Variants in FBXL17 observed in about 807,000 individuals in gnomAD.
The protein encoded by FBXL17 is F-box and leucine rich repeat protein 17.
A neutral mutation model predicts 66.2 loss-of-function variants in FBXL17; 22 were observed. The observed-to-expected ratio is 0.33, with a 90% CI of 0.24 to 0.47. FBXL17 has a LOEUF of 0.47. FBXL17 is among the 20% of genes least tolerant of loss of function. FBXL17 has a pLI of 1.00. For missense variants in FBXL17, 878 were observed against 948.2 expected (o/e 0.93, Z 0.97); for synonymous variants, 474 against 400.5 (o/e 1.18, Z -2.19).
intron 1 of FBXL17, among the ~76,000 whole-genome samples, chr5:108,374,697 G>A (rs1013386144): frequency 2.0e-5 from 3 of 151,892 alleles, no homozygotes; most frequent in Non-Finnish European, 4.4e-5. Flanking sequence ...GAAAAGAGAA[G>A]AGGAGAAGGG....
chr5:108,288,389 G>C (rs908051310), intron 4 of FBXL17, among the ~76,000 whole-genome samples: 1 of 150,922 alleles, frequency 6.6e-6, no homozygotes, highest in Non-Finnish European at 1.5e-5. Flanking sequence ...GGGACCAACA[G>C]ACTGGCCCGA....
chr5:108,023,464 A>C (rs1321926717), intron 6 of FBXL17, among the ~76,000 whole-genome samples: 1 of 152,146 alleles, frequency 6.6e-6, no homozygotes, highest in Admixed American at 6.6e-5. Flanking sequence ...AAATTGGTGG[A>C]AATGGAACAC....
At chr5:107,941,539 A>G (rs1288063619) in intron 7 of FBXL17, among the ~76,000 whole-genome samples, 1 of 152,196 alleles carries the variant, frequency 6.6e-6, no homozygotes, top group Non-Finnish European at 1.5e-5. Flanking sequence ...GTATTTTTAT[A>G]GACACCTTAG....
rs188973035 is a variant in FBXL17 at position 108,240,919 on chromosome 5, G to A, written c.1507-16691C>T. Reference sequence around the variant, plus strand: ...CCATTTGTTTGGGAGAAAGTTAAGAGTCTCTGCCTGATAATTCACAGAATT... The same window carrying A: ...CCATTTGTTTGGGAGAAAGTTAAGAATCTCTGCCTGATAATTCACAGAATT... On this transcript the variant is annotated intron_variant, in intron 4 of 8. Transcript: ENST00000542267. Among the ~76,000 whole-genome samples the A allele has an allele frequency of 5.3e-5, 8 of 152,248 alleles. No individual in the cohort carries two copies. In the East Asian group the frequency reaches 1.5e-3, roughly 29 times the overall value.
chr5:108,234,823 A>C (rs192458149), intron 4 of FBXL17, among the ~76,000 whole-genome samples: 13 of 152,360 alleles, frequency 8.5e-5, no homozygotes, highest in Non-Finnish European at 1.6e-4. Context: ...AAACCATAAA[A>C]GTAGTAACTG....
intron 7 of FBXL17, among the ~76,000 whole-genome samples, chr5:107,898,947 A>C (rs1749476796): frequency 6.6e-6 from 1 of 152,160 alleles, no homozygotes; most frequent in Non-Finnish European, 1.5e-5. Context: ...TGTCTTTATA[A>C]TAGAATGATT....
At chr5:108,028,982 G>T (rs1196824080) in intron 6 of FBXL17, among the ~76,000 whole-genome samples, 1 of 152,092 alleles carries the variant, frequency 6.6e-6, no homozygotes, top group Non-Finnish European at 1.5e-5. Flanking sequence ...CTTATAATTA[G>T]ATAGCTATAA....
intron 7 of FBXL17, among the ~76,000 whole-genome samples, chr5:107,905,002 AGT>A (rs1055707231): frequency 3.9e-5 from 6 of 151,958 alleles, no homozygotes; most frequent in African/African-American, 4.8e-5. Context: ...ATCCCAAATA[AGT>A]GAGATTCCTA....
intron 7 of FBXL17, among the ~76,000 whole-genome samples, chr5:107,884,128 G>T (rs1370830235): frequency 6.6e-6 from 1 of 152,186 alleles, no homozygotes; most frequent in Non-Finnish European, 1.5e-5. Context: ...ATGTTACGAA[G>T]TTTATAGTCT....
intron 6 of FBXL17, among the ~76,000 whole-genome samples, chr5:108,098,271 AAAG>A (rs10560958): frequency 0.059 from 9,031 of 152,124 alleles, 493 homozygotes; most frequent in African/African-American, 0.15. Flanking sequence ...TTGATTTCTT[AAAG>A]AAGGGTAGCT....
chr5:108,200,189 G>A (rs1580602337), intron 5 of FBXL17, among the ~76,000 whole-genome samples: 1 of 152,036 alleles, frequency 6.6e-6, no homozygotes, highest in Non-Finnish European at 1.5e-5. Flanking sequence ...AGGAGAGAGA[G>A]AAAAACATTT....
chr5:108,340,913 A>G (rs896930517), intron 4 of FBXL17, among the ~76,000 whole-genome samples: 2 of 152,186 alleles, frequency 1.3e-5, no homozygotes, highest in Non-Finnish European at 2.9e-5. Context: ...TCTCTAAAAC[A>G]TGATTTCAAT....
Position 108,147,359 on chromosome 5 carries a change from TAATAC to T in FBXL17, c.1745+38753_1745+38757del, listed in dbSNP as rs751353007. 6.6e-5 allele frequency among the ~76,000 whole-genome samples: 10 copies of T among 152,274 alleles called. No individual in the cohort carries two copies. In the South Asian group the frequency reaches 8.3e-4, roughly 13 times the overall value. ...CTACTGTGTTTAGATGAAATTGGCA[TAATAC>T]AATTTGGATGACCTTTCATCAAAAG... On this transcript the variant is annotated intron_variant, in intron 6 of 8. Transcript: ENST00000542267.
intron 4 of FBXL17, among the ~76,000 whole-genome samples, chr5:108,284,804 T>C (rs1170614767): frequency 6.6e-6 from 1 of 151,884 alleles, no homozygotes; most frequent in Admixed American, 6.6e-5. Context: ...TGGCTACTGA[T>C]TGATCAGGGT....
At chr5:108,262,080 TTATTTA>T (rs1396627478) in intron 4 of FBXL17, among the ~76,000 whole-genome samples, 1 of 117,568 alleles carries the variant, frequency 8.5e-6, no homozygotes, top group Admixed American at 8.8e-5. Context: ...ATTTATTTAT[TTATTTA>T]TTTTTTTTGA....
At chr5:108,103,026 T>C (rs34418) in intron 6 of FBXL17, among the ~76,000 whole-genome samples, 120,327 of 152,142 alleles carry the variant, frequency 0.79, 48,231 homozygotes, top group East Asian at 0.92. Flanking sequence ...GAGTGGGGGA[T>C]GATATTTGCC....
intron 4 of FBXL17, among the ~76,000 whole-genome samples, chr5:108,234,408 C>T (rs1056875517): frequency 1.4e-4 from 22 of 152,296 alleles, no homozygotes; most frequent in African/African-American, 4.6e-4. Context: ...TTGACTTCCT[C>T]CTCCAAATCA....
In FBXL17 at chr5:108,143,563, C is replaced by G. The variant is rs537110021; in HGVS notation, c.1745+42554G>C. ...TCTTCTGCTTTACCAACATCTGCAG[C>G]TAAAATTCCCCCACCTTCTTTTATG... On this transcript the variant is annotated intron_variant, in intron 6 of 8. Transcript: ENST00000542267. 2.0e-5 allele frequency among the ~76,000 whole-genome samples: 3 copies of G among 152,108 alleles called. No individual in the cohort carries two copies. In the East Asian group the frequency reaches 5.8e-4, roughly 29 times the overall value.
intron 4 of FBXL17, among the ~76,000 whole-genome samples, chr5:108,261,501 A>C (rs1756818474): frequency 1.3e-5 from 2 of 152,176 alleles, no homozygotes; most frequent in African/African-American, 4.8e-5. Context: ...ATATTTTTTA[A>C]GTATTGAAGA....
Sources: allele counts gnomAD v4.1 joint callset (sites outside exome capture counted in the v4.1 genomes callset), GRCh38; gene constraint gnomAD v4.1.1; transcripts MANE v1.5; gene names NCBI Gene and HGNC (gene_info 2026-07-23, HGNC 2026-07-21).